The following DOCK5 variants were observed in gnomAD, a reference collection of about 807,000 sequenced individuals.
DOCK5 encodes the protein dedicator of cytokinesis protein 5.
A neutral mutation model predicts 251.8 loss-of-function variants in DOCK5; 142 were observed. The observed-to-expected ratio is 0.56, with a 90% CI of 0.49 to 0.65. The LOEUF (loss-of-function observed/expected upper bound fraction) is 0.65, where lower values mean the gene tolerates loss of function less well. Among genes scored for constraint, DOCK5 ranks in the 30% least tolerant of loss-of-function variants. The pLI is 0.00. For missense variants in DOCK5, 2,111 were observed against 2,312.3 expected (o/e 0.91, Z 1.79); for synonymous variants, 842 against 835.5 (o/e 1.01, Z -0.13).
rs754267240 is a variant in DOCK5 at position 25,389,083 on chromosome 8, A to C, written c.4132-8A>C. On this transcript the variant is annotated splice_polypyrimidine_tract_variant and splice_region_variant and intron_variant, in intron 40 of 51. Coordinates refer to ENST00000276440, the MANE Select transcript of DOCK5 (RefSeq NM_024940.8). ...GTAATGACTTCCCTTTCTGTGTCTC[A>C]CCTGCAGAATAAAATCTTCATCTAT... The C allele has an allele frequency of 1.4e-5, 23 of 1,613,266 alleles. No homozygotes were observed. In the African/African-American group the frequency reaches 2.5e-4, roughly 18 times the overall value.
chr8:25,265,329 C>T (rs1803712907), intron 2 of DOCK5, among the ~76,000 whole-genome samples: 1 of 151,962 alleles, frequency 6.6e-6, no homozygotes, highest in Non-Finnish European at 1.5e-5. Context: ...CGTATTGCCT[C>T]TCCCCATTTC....
At chr8:25,206,399 A>G (rs1160026794) in intron 1 of DOCK5, among the ~76,000 whole-genome samples, 3 of 152,148 alleles carry the variant, frequency 2.0e-5, no homozygotes, top group Non-Finnish European at 4.4e-5. Flanking sequence ...GCATTCACCA[A>G]TATCTGTGGT....
chr8:25,329,947 T>G (rs1177571460), intron 18 of DOCK5, among the ~76,000 whole-genome samples: 1 of 152,158 alleles, frequency 6.6e-6, no homozygotes, highest in East Asian at 1.9e-4. Context: ...CCTAAGACCT[T>G]AACAATTCAC....
At chr8:25,327,969 A>G (rs1360330324) in intron 18 of DOCK5, among the ~76,000 whole-genome samples, 1 of 152,104 alleles carries the variant, frequency 6.6e-6, no homozygotes, top group Non-Finnish European at 1.5e-5. Context: ...TGTGTGTCAG[A>G]ACATCATGTT....
chr8:25,369,652 C>A lies in DOCK5; in HGVS notation c.3524+11C>A. On this transcript the variant is annotated intron_variant, in intron 34 of 51. Transcript: ENST00000276440. ...TCTTCTGGAAAAACTGTGAGTATTTCAGGAACGAAACCTGAAGTCAGTGGT... is the reference window on the plus strand; with the variant it reads ...TCTTCTGGAAAAACTGTGAGTATTTAAGGAACGAAACCTGAAGTCAGTGGT... 6.3e-7 allele frequency: 1 copy of A among 1,596,906 alleles called. No individual in the cohort carries two copies. The highest frequency in any genetic ancestry group is 8.5e-7 in the Non-Finnish European group (1 of 1,171,088).
intron 1 of DOCK5, among the ~76,000 whole-genome samples, chr8:25,226,274 T>G (rs1322496762): frequency 7.1e-6 from 1 of 141,330 alleles, no homozygotes; most frequent in Non-Finnish European, 1.5e-5. Context: ...TTTTTTTTTT[T>G]TTTTTTGGAC....
rs542722680 is a variant in DOCK5, at chr8:25,273,288, C to A, written c.169-2098C>A. 3.7e-4 allele frequency among the ~76,000 whole-genome samples: 56 copies of A among 152,224 alleles called. 1 individual carries two copies. Among genetic ancestry groups the A allele is most frequent in the African/African-American group, 1.3e-3 (56 of 41,534 alleles). Reference sequence around the variant, plus strand: ...TGCCTGGCACTGCAAAGGACAGTTCCCTGTTTTGATCATTAAAAAAATTAA... The same window carrying A: ...TGCCTGGCACTGCAAAGGACAGTTCACTGTTTTGATCATTAAAAAAATTAA... On this transcript the variant is annotated intron_variant, in intron 3 of 51. Coordinates refer to ENST00000276440, the MANE Select transcript of DOCK5 (RefSeq NM_024940.8).
At chr8:25,261,964 T>G (rs1395567453) in intron 2 of DOCK5, among the ~76,000 whole-genome samples, 1 of 152,236 alleles carries the variant, frequency 6.6e-6, no homozygotes, top group Admixed American at 6.5e-5. Context: ...TATAACTATA[T>G]TACGTATTAT....
At chr8:25,341,711 G>A (rs1350342914) in intron 23 of DOCK5, 28 bp from the exon 24 acceptor site, 3 of 1,553,324 alleles carry the variant, frequency 1.9e-6, no homozygotes. Context: ...CCTGGCAACT[G>A]AATTTGCCTT....
At chr8:25,311,590 A>C (rs1160943263) in intron 13 of DOCK5, among the ~76,000 whole-genome samples, 1 of 151,466 alleles carries the variant, frequency 6.6e-6, no homozygotes, top group African/African-American at 2.4e-5. Context: ...CATGTTAGAA[A>C]AATTCTAGAA....
intron 27 of DOCK5, among the ~76,000 whole-genome samples, chr8:25,353,834 G>A (rs1800514284): frequency 6.6e-6 from 1 of 151,820 alleles, no homozygotes; most frequent in Non-Finnish European, 1.5e-5. Flanking sequence ...GACCAGCCTG[G>A]CCAACATGGT....
At chr8:25,380,793 G>A (rs1801050940) in intron 39 of DOCK5, among the ~76,000 whole-genome samples, 1 of 152,150 alleles carries the variant, frequency 6.6e-6, no homozygotes, top group South Asian at 2.1e-4. Flanking sequence ...TGAGTGCCCA[G>A]TGTTAGGCAG....
intron 11 of DOCK5, among the ~76,000 whole-genome samples, chr8:25,306,433 G>A (rs1313727806): frequency 6.6e-6 from 1 of 152,092 alleles, no homozygotes; most frequent in East Asian, 1.9e-4. Flanking sequence ...AGGTCCGGGC[G>A]CATAGGCTTA....
At position 25,374,610 on chromosome 8, in the gene DOCK5, A is replaced by T. The variant is rs765856313; in HGVS notation, c.3772A>T (p.Thr1258Ser). Residue 1258 changes from threonine (T) to serine (S), a missense_variant, in exon 37 of 52, where the codon ACA (threonine) becomes TCA (serine). Around this residue, in one of 3 missense-constraint regions of DOCK5, gnomAD observed 1,717 missense variants for 1,892.4 expected, o/e 0.91. Transcript: ENST00000276440. ...RDLHRDCENY[T>S]EAAYTLLLHA... ...TTTGCACCGAGACTGTGAGAACTAC[A>T]CAGAAGCTGCCTACACGCTTCTCTT... 6.2e-7 allele frequency: 1 copy of T among 1,613,740 alleles called. No homozygotes were observed.
At chr8:25,369,182 T>G (rs1800830614) in intron 33 of DOCK5, among the ~76,000 whole-genome samples, 1 of 152,216 alleles carries the variant, frequency 6.6e-6, no homozygotes, top group African/African-American at 2.4e-5. Flanking sequence ...GTATTAATAT[T>G]GAAAGGACGA....
At chr8:25,243,487 C>G (rs568678016) in intron 1 of DOCK5, among the ~76,000 whole-genome samples, 187 bp from the exon 2 acceptor site, 2 of 152,144 alleles carry the variant, frequency 1.3e-5, no homozygotes, top group East Asian at 3.9e-4. Flanking sequence ...CCTGCCACTA[C>G]GCCCAGCTGA....
In DOCK5 at chr8:25,382,980, A is replaced by G. The variant is rs190863492; in HGVS notation, c.4131+202A>G. On this transcript the variant is annotated intron_variant, in intron 40 of 51. Coordinates refer to ENST00000276440, the MANE Select transcript of DOCK5 (RefSeq NM_024940.8). ...GTGGTGTTCTGCAGGTCTTTTGTGA[A>G]ATGACTTTTCCCAGGTGCAGTGAAA... Among the ~76,000 whole-genome samples, 17 of 151,864 alleles carry G rather than the reference A, an allele frequency of 1.1e-4. No homozygotes were observed. The East Asian group carries it at 1.9e-3, about 17-fold the overall frequency.
At chr8:25,382,620 C>A in intron 39 of DOCK5, 54 bp from the exon 40 acceptor site, 2 of 1,372,020 alleles carry the variant, frequency 1.5e-6, no homozygotes, top group South Asian at 1.3e-5. Context: ...CTTTTTTTTT[C>A]CCCCAACTGT....
chr8:25,380,236 G>A (rs1218684898), intron 38 of DOCK5, 69 bp from the exon 39 acceptor site: 1 of 1,434,302 alleles, frequency 7.0e-7, no homozygotes, highest in Non-Finnish European at 9.6e-7. Flanking sequence ...TGACTCGCCA[G>A]TGGCTTTTGC....
Sources: gnomAD v4.1 joint callset for allele counts (sites outside exome capture counted in the v4.1 genomes callset) on GRCh38, gnomAD v4.1.1 for gene constraint, gnomAD v4.1.1 regional missense constraint, MANE v1.5 for transcripts, NCBI Gene and HGNC (gene_info 2026-07-23, HGNC 2026-07-21) for gene names.